Variants in ZFP92 observed in about 807,000 individuals in gnomAD.
ZFP92 encodes zinc finger protein 92 homolog.
Under a neutral mutation model 7.6 loss-of-function variants are expected in ZFP92, and 2 were observed. The ratio of observed to expected loss-of-function variants is 0.26; its 90% CI spans 0.11 to 0.83. The LOEUF (loss-of-function observed/expected upper bound fraction) is 0.83, where lower values mean the gene tolerates loss of function less well. Ranked by LOEUF, ZFP92 falls within the 40% of genes least tolerant of loss-of-function variation. The pLI is 0.65. For synonymous variants in ZFP92, 226 were observed against 183.6 expected, an observed-to-expected ratio of 1.23 and a Z score of -1.87; for missense variants, 324 against 408.3, an observed-to-expected ratio of 0.79 and a Z score of 1.78.
In ZFP92 at chrX:153,421,219, A is replaced by C; in HGVS notation, c.842A>C (p.Glu281Ala). ...TTCAGCCGCAGCTCCAACCTCATCG[A>C]GCACCAGCGCACGCACCGCGGCGAG... ...KAFSRSSNLI[E>A]HQRTHRGEKP... is the part of the protein sequence containing the mutation. Residue 281 changes from glutamate to alanine, a missense_variant, in exon 6 of 6, where the codon GAG becomes GCG. Glu to Ala is a moderately radical substitution (Grantham distance 107). Coordinates refer to ENST00000338647, the MANE Select transcript of ZFP92 (RefSeq NM_001136273.2). The C allele has an allele frequency of 8.4e-7, 1 of 1,186,514 alleles. No homozygotes were observed. The highest frequency in any genetic ancestry group is 1.1e-6 in the Non-Finnish European group (1 of 882,984).
chrX:153,423,437 A>G lies in ZFP92; in HGVS notation c.*1809A>G, dbSNP rs2089021907. The stretch of plus-strand genomic sequence containing the variant: ...ACACACACACACACACACACACGAT[A>G]TATATAGTTTTATGAAAACTTCTAG... On this transcript the variant is annotated 3_prime_UTR_variant, in exon 6 of 6. Coordinates refer to ENST00000338647, the MANE Select transcript of ZFP92 (RefSeq NM_001136273.2). The G allele has an allele frequency of 9.4e-6, 1 of 106,812 alleles. No individual in the cohort carries two copies. The highest frequency in any genetic ancestry group is 3.7e-5 in the African/African-American group (1 of 27,111). 8.8% of individuals were successfully genotyped at this position (106,812 alleles called of 1,213,427 possible).
rs2088960172 is a variant in ZFP92, at chrX:153,417,297, GAATGCCAAATGCAGGACCATC to G, written c.-18-1007_-18-987del. Among the ~76,000 whole-genome samples, 3 of 112,305 alleles carry G rather than the reference GAATGCCAAATGCAGGACCATC, an allele frequency of 2.7e-5. No homozygotes were observed. In the Admixed American group the frequency reaches 2.8e-4, roughly 11 times the overall value. On this transcript the variant is annotated intron_variant, in intron 2 of 5. Coordinates refer to ENST00000338647, the MANE Select transcript of ZFP92 (RefSeq NM_001136273.2). The stretch of plus-strand genomic sequence containing the variant: ...CCTGTTCCCTAATTTTCAGCACCAC[GAATGCCAAATGCAGGACCATC>G]TGAGGGCCAGGGTATGTGCTGTGCT...
At chrX:153,418,209 T>C in intron 2 of ZFP92, 96 bp from the exon 3 acceptor site, 5 of 1,005,690 alleles carry the variant, frequency 5.0e-6, no homozygotes, top group Non-Finnish European at 5.5e-6. Flanking sequence ...CTGTGCTTAT[T>C]TCACAAGAAA....
At chrX:153,418,377 T>C in intron 3 of ZFP92, 22 bp downstream of exon 3, 1 of 1,165,937 alleles carries the variant, frequency 8.6e-7, no homozygotes, top group Non-Finnish European at 1.1e-6. Flanking sequence ...CCCCTCTCCC[T>C]GGCCTCTCCC....
In ZFP92 at chrX:153,420,351, A is replaced by G. The variant is rs2124298076; in HGVS notation, c.265+19A>G. ...CACATAGGTGAGTGAGAGGTGCTCA[A>G]CCAGCTCCCCATCGGGGTAAAAAGA... On this transcript the variant is annotated intron_variant, in intron 5 of 5. Transcript: ENST00000338647. 1.8e-6 allele frequency: 2 copies of G among 1,130,009 alleles called. No homozygotes were observed. Among genetic ancestry groups the G allele is most frequent in the East Asian group, 6.6e-5 (2 of 30,330 alleles). 93.1% of individuals were successfully genotyped at this position (1,130,009 alleles called of 1,213,427 possible).
At chrX:153,412,971 G>T (rs1170612348) in intron 2 of ZFP92, among the ~76,000 whole-genome samples, 1 of 111,862 alleles carries the variant, frequency 8.9e-6, no homozygotes, top group Non-Finnish European at 1.9e-5. Context: ...AGGCTAGGCT[G>T]CATGGAGGGC....
At position 153,418,363 on chromosome X, in the gene ZFP92, GT is replaced by G. The variant is rs782765549; in HGVS notation, c.33+9del. The G allele has an allele frequency of 1.4e-5, 16 of 1,165,183 alleles. No homozygotes were observed. On this transcript the variant is annotated intron_variant, in intron 3 of 5. Transcript: ENST00000338647. ...CTGACCACGAGACCCAAGGTGAGTG[GT>G]GGCCCCTCTCCCTGGCCTCTCCCCC...
At position 153,420,950 on chromosome X, in the gene ZFP92, C is replaced by T. The variant is rs1556974854; in HGVS notation, c.573C>T (p.Arg191=). 2.5e-6 allele frequency: 3 copies of T among 1,194,035 alleles called. No homozygotes were observed. The South Asian group carries it at 5.5e-5, about 22-fold the overall frequency. ...CCGAGTGCGGCAAGCTGTTTCGCCG[C>T]AGCTTCGCGCTCCTGGAGCACCAGC... is the stretch of plus-strand genomic sequence containing the variant. ...ACPECGKLFR[R]SFALLEHQRI... The change falls in exon 6 of 6, where the codon CGC becomes CGT. Residue 191 remains arginine, a synonymous_variant. Transcript: ENST00000338647.
At chrX:153,420,375 G>C in intron 5 of ZFP92, 43 bp downstream of exon 5, 6 of 1,039,966 alleles carry the variant, frequency 5.8e-6, no homozygotes, top group Non-Finnish European at 7.8e-6. Context: ...GGGGTAAAAA[G>C]AAATAGCAGT....
intron 4 of ZFP92, among the ~76,000 whole-genome samples, chrX:153,419,438 A>T (rs1433982320): frequency 8.9e-6 from 1 of 112,743 alleles, no homozygotes; most frequent in Non-Finnish European, 1.9e-5. Context: ...GAAGGTTTTC[A>T]GGTGGGGTAA....
In ZFP92 at chrX:153,423,433, C is replaced by CAA. The variant is rs1556975869; in HGVS notation, c.*1805_*1806insAA. On this transcript the variant is annotated 3_prime_UTR_variant, in exon 6 of 6. Coordinates refer to ENST00000338647, the MANE Select transcript of ZFP92 (RefSeq NM_001136273.2). ...ACACACACACACACACACACACACA[C>CAA]GATATATATAGTTTTATGAAAACTT... The CAA allele has an allele frequency of 3.8e-5, 4 of 105,266 alleles. No individual in the cohort carries two copies. Among genetic ancestry groups the CAA allele is most frequent in the African/African-American group, 1.4e-4 (4 of 29,016 alleles). 8.7% of individuals were successfully genotyped at this position (105,266 alleles called of 1,213,427 possible). A position where few individuals can be genotyped will look rare whatever the true frequency, so the allele number is the denominator to read the frequency against.
rs2088975952 is a variant in ZFP92 at position 153,418,810 on chromosome X, C to T, written c.160+11C>T. 8.6e-7 allele frequency: 1 copy of T among 1,164,268 alleles called. No individual in the cohort carries two copies. The highest frequency in any genetic ancestry group is 2.6e-5 in the Admixed American group (1 of 38,289). On this transcript the variant is annotated intron_variant, in intron 4 of 5. Transcript: ENST00000338647. ...ATTTGGTGTCACTGGGTAAGTGATC[C>T]CTCCACGACATACACACACCCAGTC...
At chrX:153,416,804 C>G (rs2088955440) in intron 2 of ZFP92, among the ~76,000 whole-genome samples, 1 of 111,779 alleles carries the variant, frequency 8.9e-6, no homozygotes, top group Non-Finnish European at 1.9e-5. Flanking sequence ...CTGGAAAGTT[C>G]AAGACTGGGC....
intron 2 of ZFP92, among the ~76,000 whole-genome samples, chrX:153,416,641 A>G (rs1556973809): frequency 8.9e-6 from 1 of 112,170 alleles, no homozygotes; most frequent in Non-Finnish European, 1.9e-5. Flanking sequence ...GCAGAGAAGC[A>G]GAGAAACCAG....
chrX:153,423,547 T>C lies in ZFP92; in HGVS notation c.*1919T>C, dbSNP rs2089022580. ...TGTGATTGCGTTCTTGTCTGCAAGC[T>C]GGTCTCATAAGCCCACAAGTGTGTG... On this transcript the variant is annotated 3_prime_UTR_variant, in exon 6 of 6. Coordinates refer to ENST00000338647, the MANE Select transcript of ZFP92 (RefSeq NM_001136273.2). The C allele has an allele frequency of 8.9e-6, 1 of 112,518 alleles. No homozygotes were observed. Among genetic ancestry groups the C allele is most frequent in the Admixed American group, 9.3e-5 (1 of 10,699 alleles). 9.3% of individuals were successfully genotyped at this position (112,518 alleles called of 1,213,427 possible).
At chrX:153,419,870 G>C (rs2088983966) in intron 4 of ZFP92, among the ~76,000 whole-genome samples, 1 of 112,072 alleles carries the variant, frequency 8.9e-6, no homozygotes. Flanking sequence ...GCCTATGGCT[G>C]TCGGCCTCCC....
Position 153,421,308 on chromosome X carries a change from C to G in ZFP92, c.931C>G (p.Gln311Glu), listed in dbSNP as rs2089000466. 1 of 1,170,775 alleles carries G rather than the reference C, an allele frequency of 8.5e-7. No individual in the cohort carries two copies. The change falls in exon 6 of 6, where the codon CAG (glutamine) becomes GAG (glutamate). Residue 311 changes from glutamine to glutamate, a missense_variant. Coordinates refer to ENST00000338647, the MANE Select transcript of ZFP92 (RefSeq NM_001136273.2). ...FKGVSQLIHH[Q>E]RSHSGERPFA... ...GGGCGTCTCGCAGCTCATCCACCAC[C>G]AGCGCAGCCACAGCGGCGAGCGGCC...
chrX:153,417,308 G>C (rs1441805245), intron 2 of ZFP92, among the ~76,000 whole-genome samples: 1 of 112,415 alleles, frequency 8.9e-6, no homozygotes, highest in African/African-American at 3.2e-5. Context: ...AATGCCAAAT[G>C]CAGGACCATC....
At chrX:153,415,480 G>A (rs782216226) in intron 2 of ZFP92, among the ~76,000 whole-genome samples, 17 of 111,744 alleles carry the variant, frequency 1.5e-4, no homozygotes, top group Non-Finnish European at 2.8e-4. Context: ...GGCTCATGGT[G>A]TTGGTCCATC....
Sources: allele counts gnomAD v4.1 joint callset (sites outside exome capture counted in the v4.1 genomes callset), GRCh38; gene constraint gnomAD v4.1.1; transcripts MANE v1.5; gene names NCBI Gene and HGNC (gene_info 2026-07-23, HGNC 2026-07-21).